The following SFXN5 variants were observed in gnomAD, a reference collection of about 807,000 sequenced individuals.
The protein encoded by SFXN5 is sideroflexin-5.
In SFXN5, 43 loss-of-function variants were observed where a neutral mutation model predicts 50.2. That is an observed-to-expected ratio of 0.86 (90% CI 0.67 to 1.11). The LOEUF (loss-of-function observed/expected upper bound fraction) is 1.11. Among genes scored for constraint, SFXN5 ranks in the 50% least tolerant of loss-of-function variants. The probability of loss-of-function intolerance (pLI) is 0.00; values close to 1 mark genes in which losing one functional copy is unlikely to be tolerated. For missense variants in SFXN5, 463 were observed against 454.1 expected (o/e 1.02, Z -0.18); for synonymous variants, 203 against 185.8 (o/e 1.09, Z -0.75).
At chr2:73,055,238 G>C (rs763020464) in intron 2 of SFXN5, among the ~76,000 whole-genome samples, 1 of 152,212 alleles carries the variant, frequency 6.6e-6, no homozygotes, top group Non-Finnish European at 1.5e-5. Flanking sequence ...GTGTAATCTC[G>C]GGCAAGTTCC....
At chr2:73,027,650 T>A (rs147108583) in intron 3 of SFXN5, among the ~76,000 whole-genome samples, 70 of 152,166 alleles carry the variant, frequency 4.6e-4, no homozygotes, top group African/African-American at 1.6e-3. Context: ...TGAAGGTGTA[T>A]CATTTTTTAT....
intron 6 of SFXN5, among the ~76,000 whole-genome samples, chr2:73,001,870 G>A (rs7580216): frequency 0.29 from 43,923 of 152,062 alleles, 7,057 homozygotes; most frequent in East Asian, 0.5. Flanking sequence ...GAAAAAACCT[G>A]TAGTGTGGAT....
At chr2:73,015,751 T>C (rs931409721) in intron 6 of SFXN5, among the ~76,000 whole-genome samples, 3 of 152,192 alleles carry the variant, frequency 2.0e-5, no homozygotes, top group Non-Finnish European at 2.9e-5. Context: ...AAACTGCAAA[T>C]TAAATTTCCT....
intron 2 of SFXN5, among the ~76,000 whole-genome samples, chr2:73,044,004 T>A (rs578054917): frequency 3.4e-4 from 51 of 152,230 alleles, no homozygotes; most frequent in Middle Eastern, 6.8e-3. Context: ...CTCCTAGTGA[T>A]GCAGCGAGGC....
chr2:73,051,631 A>T (rs1187233197), intron 2 of SFXN5, among the ~76,000 whole-genome samples: 1 of 152,174 alleles, frequency 6.6e-6, no homozygotes, highest in Non-Finnish European at 1.5e-5. Context: ...ATTTTTAGGT[A>T]TTTGTTATAG....
intron 9 of SFXN5, 43 bp from the exon 10 acceptor site, chr2:72,988,391 C>A: frequency 1.3e-6 from 2 of 1,557,734 alleles, no homozygotes; most frequent in Non-Finnish European, 8.8e-7. Flanking sequence ...GTACATGATG[C>A]TGCAGTGGCT....
chr2:73,032,532 T>C (rs1323177062), intron 3 of SFXN5, among the ~76,000 whole-genome samples: 1 of 152,250 alleles, frequency 6.6e-6, no homozygotes, highest in Non-Finnish European at 1.5e-5. Flanking sequence ...AAGTGCCATC[T>C]GAACCTACCT....
At chr2:73,013,149 G>C (rs1274670466) in intron 6 of SFXN5, among the ~76,000 whole-genome samples, 1 of 152,040 alleles carries the variant, frequency 6.6e-6, no homozygotes, top group Non-Finnish European at 1.5e-5. Flanking sequence ...AATACGAATG[G>C]GTTCCATTTC....
intron 12 of SFXN5, among the ~76,000 whole-genome samples, chr2:72,962,184 G>A (rs1673826915): frequency 6.6e-6 from 1 of 152,232 alleles, no homozygotes; most frequent in Admixed American, 6.5e-5. Context: ...ATTTGCCAGG[G>A]GGTGTTGGGC....
In SFXN5 at chr2:72,945,045, C is replaced by T; in HGVS notation, c.1000G>A (p.Val334Met). 1 of 1,614,006 alleles carries T rather than the reference C, an allele frequency of 6.2e-7. No individual in the cohort carries two copies. Among genetic ancestry groups the T allele is most frequent in the Non-Finnish European group, 8.5e-7 (1 of 1,179,926 alleles). ...ACTCACAACCCCTTGTTGTACACCACTGTCCGGCTGCTCGTGGCCTGGGCT... is the reference window on the plus strand; with the variant it reads ...ACTCACAACCCCTTGTTGTACACCATTGTCCGGCTGCTCGTGGCCTGGGCT... Reference protein sequence around the residue: ...EIAQATSSRTVVYNKGL With the variant: ...EIAQATSSRTMVYNKGL Residue 334 changes from valine (V) to methionine (M), a missense_variant, in exon 14 of 14, where the codon GTG becomes ATG. By Grantham distance (21) the Val-to-Met change is conservative. Coordinates refer to ENST00000272433, the MANE Select transcript of SFXN5 (RefSeq NM_144579.3). The surrounding 1 kb of genome is among the most constrained non-coding windows in gnomAD (Gnocchi z 5.8).
chr2:73,006,296 A>G (rs1323092389), intron 6 of SFXN5, among the ~76,000 whole-genome samples: 1 of 152,144 alleles, frequency 6.6e-6, no homozygotes, highest in Non-Finnish European at 1.5e-5. Flanking sequence ...CTTTGTCTAG[A>G]CCGGGCAAAC....
intron 3 of SFXN5, among the ~76,000 whole-genome samples, chr2:73,031,478 C>T (rs1277504875): frequency 1.3e-5 from 2 of 152,250 alleles, no homozygotes; most frequent in African/African-American, 4.8e-5. Flanking sequence ...TAAACTGTCT[C>T]ATTTAAGCTA....
chr2:73,007,459 C>G (rs754417713), intron 6 of SFXN5, among the ~76,000 whole-genome samples: 4 of 152,060 alleles, frequency 2.6e-5, no homozygotes, highest in Non-Finnish European at 5.9e-5. Flanking sequence ...TCACTTCCTC[C>G]AGGATGTCTC....
intron 1 of SFXN5, among the ~76,000 whole-genome samples, chr2:73,061,469 C>T (rs988538908): frequency 6.6e-6 from 1 of 152,108 alleles, no homozygotes; most frequent in African/African-American, 2.4e-5. Context: ...TGAAGATGTC[C>T]TAATGATACC....
intron 2 of SFXN5, among the ~76,000 whole-genome samples, chr2:73,050,441 C>T (rs1681152224): frequency 6.7e-6 from 1 of 150,256 alleles, no homozygotes; most frequent in Non-Finnish European, 1.5e-5. Context: ...GTTAGCACCA[C>T]ATGGATGCTG....
At chr2:72,966,622 A>G (rs958189248) in intron 12 of SFXN5, among the ~76,000 whole-genome samples, 4 of 152,186 alleles carry the variant, frequency 2.6e-5, no homozygotes, top group African/African-American at 9.7e-5. Flanking sequence ...CTGGGCACAC[A>G]GGACCCCTCA....
rs373125530 is a variant in SFXN5, at chr2:72,982,534, AG to A, written c.625+5723del. ...AGCACTGACTGTGTGCCAGGCACCG[AG>A]GGGGCTGAGTGTGGTGGTAGATGAG... On this transcript the variant is annotated intron_variant, in intron 10 of 13. Coordinates refer to ENST00000272433, the MANE Select transcript of SFXN5 (RefSeq NM_144579.3). Among the ~76,000 whole-genome samples the A allele has an allele frequency of 1.9e-3, 289 of 152,284 alleles. 2 individuals carry two copies. Among genetic ancestry groups the A allele is most frequent in the African/African-American group, 5.4e-3 (226 of 41,550 alleles).
At chr2:73,008,709 C>T (rs1270765751) in intron 6 of SFXN5, among the ~76,000 whole-genome samples, 1 of 152,188 alleles carries the variant, frequency 6.6e-6, no homozygotes, top group East Asian at 1.9e-4. Flanking sequence ...GAGTGACGAA[C>T]CGCAGAGCCT....
intron 3 of SFXN5, among the ~76,000 whole-genome samples, chr2:73,037,594 A>G (rs1679139622): frequency 1.3e-5 from 2 of 152,350 alleles, no homozygotes; most frequent in Admixed American, 6.5e-5. Context: ...AATTTCAGAA[A>G]CAAATTTCAC....
Sources: gnomAD v4.1 joint callset for allele counts (sites outside exome capture counted in the v4.1 genomes callset) on GRCh38, gnomAD v4.1.1 for gene constraint, Gnocchi (gnomAD v3.1) non-coding constraint, MANE v1.5 for transcripts, NCBI Gene and HGNC (gene_info 2026-07-23, HGNC 2026-07-21) for gene names.